Variants in UGGT2 observed in about 807,000 individuals in gnomAD.
UGGT2 encodes the protein UDP-glucose glycoprotein glucosyltransferase 2, also known as UDP-glucose:glycoprotein glucosyltransferase 2.
UGGT2 carries 180 observed loss-of-function variants against 192.1 expected under a neutral mutation model. The observed-to-expected ratio is 0.94, with a 90% CI of 0.83 to 1.06. The LOEUF is 1.06. Among genes scored for constraint, UGGT2 ranks in the 50% least tolerant of loss-of-function variants. The probability of loss-of-function intolerance (pLI) is 0.00; values close to 1 mark genes in which losing one functional copy is unlikely to be tolerated. For missense variants in UGGT2, 1,849 were observed against 1,795.7 expected (o/e 1.03, Z -0.54); for synonymous variants, 580 against 591.0 (o/e 0.98, Z 0.27).
At chr13:96,035,914 G>A (rs1434314947) in intron 1 of UGGT2, among the ~76,000 whole-genome samples, 9 of 152,188 alleles carry the variant, frequency 5.9e-5, no homozygotes. Flanking sequence ...AACAATAGAT[G>A]CTGGCAAGGT....
intron 38 of UGGT2, among the ~76,000 whole-genome samples, chr13:95,812,598 CAT>C (rs1566534456): frequency 1.3e-5 from 2 of 151,932 alleles, no homozygotes; most frequent in Non-Finnish European, 2.9e-5. Context: ...ATCTATATCT[CAT>C]ATTGAATTGA....
intron 1 of UGGT2, among the ~76,000 whole-genome samples, chr13:96,048,663 A>C (rs2053392069): frequency 6.6e-6 from 1 of 152,204 alleles, no homozygotes; most frequent in Admixed American, 6.5e-5. Flanking sequence ...TATCACTACC[A>C]ATCCCACAGA....
rs143002557 is a variant in UGGT2 at position 95,954,043 on chromosome 13, T to C, written c.1336-4589A>G. ...CAAAACGTTCCAAAATCTGCAACTT[T>C]TTCAGTGCTCACATGATGCTCCAAG... On this transcript the variant is annotated intron_variant, in intron 12 of 38. Transcript: ENST00000376747. Among the ~76,000 whole-genome samples the C allele has an allele frequency of 2.3e-3, 346 of 152,302 alleles. 4 individuals carry two copies. The highest frequency in any genetic ancestry group is 7.9e-3 in the African/African-American group (329 of 41,578).
chr13:95,949,156 A>C (rs553951264), intron 13 of UGGT2, among the ~76,000 whole-genome samples, 179 bp downstream of exon 13: 1 of 152,276 alleles, frequency 6.6e-6, no homozygotes, highest in East Asian at 1.9e-4. Flanking sequence ...AGAACGGACT[A>C]ATACAGTGAC....
chr13:96,001,442 T>G (rs1404781504), intron 5 of UGGT2, among the ~76,000 whole-genome samples: 1 of 152,138 alleles, frequency 6.6e-6, no homozygotes, highest in African/African-American at 2.4e-5. Context: ...CCCATCTCCC[T>G]TCGCTGACTC....
chr13:95,985,197 A>G, intron 9 of UGGT2: 1 of 949,974 alleles, frequency 1.1e-6, no homozygotes, highest in Non-Finnish European at 1.4e-6. Flanking sequence ...ACGGCCATTA[A>G]TTAAAATATT....
intron 10 of UGGT2, among the ~76,000 whole-genome samples, chr13:95,976,144 T>C (rs953030562): frequency 6.6e-6 from 1 of 152,186 alleles, no homozygotes; most frequent in African/African-American, 2.4e-5. Context: ...CTCCATGAGA[T>C]CAGTGTTTTT....
intron 10 of UGGT2, among the ~76,000 whole-genome samples, chr13:95,982,690 A>C (rs2051166768): frequency 6.6e-6 from 1 of 151,982 alleles, no homozygotes. Flanking sequence ...TTTGCGTATT[A>C]AGCCTCCACT....
At chr13:96,009,511 A>T (rs1035597449) in intron 5 of UGGT2, among the ~76,000 whole-genome samples, 8 of 152,210 alleles carry the variant, frequency 5.3e-5, no homozygotes, top group Admixed American at 3.9e-4. Flanking sequence ...AAACAGCCCC[A>T]TTAAAAAGTG....
At chr13:96,022,957 A>T (rs963095574) in intron 4 of UGGT2, 83 bp downstream of exon 4, 5 of 924,880 alleles carry the variant, frequency 5.4e-6, no homozygotes, top group African/African-American at 5.2e-5. Flanking sequence ...AGAATATTAA[A>T]TTTTTTTTAT....
intron 20 of UGGT2, among the ~76,000 whole-genome samples, chr13:95,904,883 A>C (rs2048233608): frequency 6.6e-6 from 1 of 151,414 alleles, no homozygotes; most frequent in African/African-American, 2.4e-5. Context: ...TGACTTCCAC[A>C]ATGGTTGAAC....
rs1329032092 is a variant in UGGT2 at position 95,894,769 on chromosome 13, CAAAGT to C, written c.2760-117_2760-113del. On this transcript the variant is annotated intron_variant, in intron 23 of 38. Coordinates refer to ENST00000376747, the MANE Select transcript of UGGT2 (RefSeq NM_020121.4). ...TATATCTGAACATGGTTAAATCTAC[CAAAGT>C]AGACTGCAAAGGGAGACCTACGTAT... The C allele has an allele frequency of 3.6e-6, 3 of 830,248 alleles. No homozygotes were observed. In the African/African-American group the frequency reaches 5.2e-5, roughly 14 times the overall value. 51.4% of individuals were successfully genotyped at this position (830,248 alleles called of 1,614,324 possible).
At chr13:95,844,934 A>C (rs1888242286) in intron 36 of UGGT2, among the ~76,000 whole-genome samples, 1 of 152,168 alleles carries the variant, frequency 6.6e-6, no homozygotes, top group Non-Finnish European at 1.5e-5. Flanking sequence ...TTTTTCATAG[A>C]TGCCCTTTAT....
chr13:95,967,156 CTTTT>C (rs35913234), intron 12 of UGGT2, among the ~76,000 whole-genome samples: 1 of 140,174 alleles, frequency 7.1e-6, no homozygotes, highest in Non-Finnish European at 1.6e-5. Context: ...CAGGCATAAC[CTTTT>C]TTTTTTTTTT....
At chr13:96,007,445 T>C (rs1256826066) in intron 5 of UGGT2, among the ~76,000 whole-genome samples, 3 of 152,160 alleles carry the variant, frequency 2.0e-5, no homozygotes, top group Non-Finnish European at 2.9e-5. Context: ...CTAGAAGCCT[T>C]AGCCAGAGTA....
intron 2 of UGGT2, among the ~76,000 whole-genome samples, chr13:96,026,472 G>A (rs768599424): frequency 5.3e-5 from 8 of 150,866 alleles, no homozygotes; most frequent in Admixed American, 4.6e-4. Flanking sequence ...ATGAAGGAAA[G>A]GATCTTTTCT....
chr13:95,848,565 G>T (rs1343208829), intron 36 of UGGT2, among the ~76,000 whole-genome samples: 2 of 152,030 alleles, frequency 1.3e-5, no homozygotes, highest in Non-Finnish European at 2.9e-5. Context: ...CTCTATCTTT[G>T]TTCCTCTGTC....
At chr13:95,935,357 G>C (rs562518560) in intron 17 of UGGT2, among the ~76,000 whole-genome samples, 1 of 152,142 alleles carries the variant, frequency 6.6e-6, no homozygotes, top group African/African-American at 2.4e-5. Flanking sequence ...TGTAAGGCCC[G>C]TTTAGTGCTA....
chr13:95,968,801 A>G (rs186273371), intron 12 of UGGT2, among the ~76,000 whole-genome samples: 1 of 152,164 alleles, frequency 6.6e-6, no homozygotes, highest in East Asian at 1.9e-4. Flanking sequence ...CATGTGCTAT[A>G]CCCATACATG....
Sources: allele counts gnomAD v4.1 joint callset (sites outside exome capture counted in the v4.1 genomes callset), GRCh38; gene constraint gnomAD v4.1.1; transcripts MANE v1.5; gene names NCBI Gene and HGNC (gene_info 2026-07-23, HGNC 2026-07-21).